CD99L2: variants seen among roughly 807,000 people sequenced by gnomAD.
CD99L2 encodes the protein CD99 molecule like 2.
CD99L2 carries 24 observed loss-of-function variants against 27.3 expected under a neutral mutation model. The observed-to-expected ratio is 0.88, with a 90% confidence interval of 0.64 to 1.24. CD99L2 has a LOEUF of 1.24. Ranked by LOEUF, CD99L2 falls within the 50% of genes most tolerant of loss-of-function variation. The pLI, the probability that CD99L2 is intolerant of heterozygous loss-of-function variation, is 0.00. For missense variants in CD99L2, 255 were observed against 221.6 expected (o/e 1.15, Z -0.96); for synonymous variants, 97 against 87.9 (o/e 1.10, Z -0.58).
At chrX:150,869,023 A>ACCTTTCCTGG (rs2047114579) in intron 1 of CD99L2, among the ~76,000 whole-genome samples, 2 of 112,450 alleles carry the variant, frequency 1.8e-5, no homozygotes, top group Non-Finnish European at 3.8e-5. Flanking sequence ...AAGGCAAGTG[A>ACCTTTCCTGG]ATGAGACTTT....
chrX:150,773,374 G>A (rs1208355057), intron 9 of CD99L2, among the ~76,000 whole-genome samples: 4 of 113,133 alleles, frequency 3.5e-5, no homozygotes, highest in Non-Finnish European at 7.5e-5. Flanking sequence ...GCAAGCGCAC[G>A]ATGCCCGGGA....
At chrX:150,863,744 T>C (rs2047015802) in intron 1 of CD99L2, among the ~76,000 whole-genome samples, 1 of 112,349 alleles carries the variant, frequency 8.9e-6, no homozygotes, top group Non-Finnish European at 1.9e-5. Context: ...TTTGCAGATA[T>C]AGTCAAGTTA....
chrX:150,861,962 A>G (rs1166319111), intron 1 of CD99L2, among the ~76,000 whole-genome samples: 3 of 110,305 alleles, frequency 2.7e-5, no homozygotes, highest in East Asian at 2.8e-4. Context: ...CTACGCAAAT[A>G]AACTAGAAAA....
chrX:150,835,483 T>C (rs1189148907), intron 1 of CD99L2, among the ~76,000 whole-genome samples: 1 of 111,847 alleles, frequency 8.9e-6, no homozygotes, highest in African/African-American at 3.3e-5. Flanking sequence ...TGAGTGTGTA[T>C]TGCTCTCTAG....
intron 8 of CD99L2, 53 bp from the exon 9 acceptor site, chrX:150,776,346 C>T (rs1000790321): frequency 5.5e-5 from 62 of 1,135,847 alleles, no homozygotes; most frequent in Middle Eastern, 6.1e-4. Context: ...GACAAAGCAC[C>T]GCAGGGAGCA....
At chrX:150,832,529 T>C (rs962712541) in intron 1 of CD99L2, among the ~76,000 whole-genome samples, 2 of 111,361 alleles carry the variant, frequency 1.8e-5, no homozygotes, top group African/African-American at 6.5e-5. Context: ...TCTCAATAGA[T>C]GCAGAAAAAA....
intron 2 of CD99L2, among the ~76,000 whole-genome samples, chrX:150,826,432 C>A (rs2124222468): frequency 9.0e-6 from 1 of 111,202 alleles, no homozygotes; most frequent in African/African-American, 3.3e-5. Flanking sequence ...GTGGAGGACT[C>A]TGAAAGCAAC....
intron 1 of CD99L2, among the ~76,000 whole-genome samples, chrX:150,838,918 T>TGGG (rs1211157850): frequency 3.1e-5 from 1 of 31,936 alleles, no homozygotes; most frequent in Non-Finnish European, 5.7e-5. Context: ...AAAAAAAAAA[T>TGGG]GGGGGGGGGG....
In CD99L2 at chrX:150,879,750, TAAAAAAAAAAAAA is replaced by T. The variant is rs60706288; in HGVS notation, c.67+18759_67+18771del. The stretch of plus-strand genomic sequence containing the variant: ...GGCGAAACCCTGTCTCTACAAAAAC[TAAAAAAAAAAAAA>T]AAAAAAAAAAAAAAAGCTCGGCATG... On this transcript the variant is annotated intron_variant, in intron 1 of 10. Coordinates refer to ENST00000370377, the MANE Select transcript of CD99L2 (RefSeq NM_031462.4). Among the ~76,000 whole-genome samples the T allele has an allele frequency of 1.0e-4, 2 of 19,388 alleles. 1 individual carries two copies. The highest frequency in any genetic ancestry group is 6.8e-3 in the South Asian group (2 of 293). The allele number at this position is 19,388 out of a possible 115,157, so 16.8% of individuals were successfully genotyped here.
At chrX:150,802,880 C>CA in intron 4 of CD99L2, among the ~76,000 whole-genome samples, 1 of 20,817 alleles carries the variant, frequency 4.8e-5, no homozygotes, top group East Asian at 1.7e-3. Flanking sequence ...CGTGCCCAGC[C>CA]TTTTTTTTTT....
At chrX:150,875,035 T>C (rs2047209172) in intron 1 of CD99L2, among the ~76,000 whole-genome samples, 1 of 111,948 alleles carries the variant, frequency 8.9e-6, no homozygotes, top group African/African-American at 3.2e-5. Context: ...ACTTCAGTGT[T>C]TACTGCCACC....
chrX:150,834,642 G>A (rs782226637), intron 1 of CD99L2, among the ~76,000 whole-genome samples: 2 of 112,461 alleles, frequency 1.8e-5, no homozygotes, highest in Admixed American at 1.9e-4. Flanking sequence ...ATGTAAATTA[G>A]TATAGCCATT....
intron 4 of CD99L2, among the ~76,000 whole-genome samples, chrX:150,806,419 C>A (rs2045994535): frequency 9.0e-6 from 1 of 111,584 alleles, no homozygotes; most frequent in African/African-American, 3.3e-5. Context: ...CTACGCCCAG[C>A]TAATTTTTTC....
At chrX:150,890,725 G>C (rs1331089860) in intron 1 of CD99L2, among the ~76,000 whole-genome samples, 2 of 111,023 alleles carry the variant, frequency 1.8e-5, no homozygotes, top group Non-Finnish European at 3.8e-5. Context: ...CTCGTCCTCA[G>C]CGAAGGGGCA....
Position 150,768,912 on chromosome X carries a change from C to G in CD99L2, c.*122G>C. 1 of 1,064,396 alleles carries G rather than the reference C, an allele frequency of 9.4e-7. No individual in the cohort carries two copies. Among genetic ancestry groups the G allele is most frequent in the African/African-American group, 1.9e-5 (1 of 51,326 alleles). 87.7% of individuals were successfully genotyped at this position (1,064,396 alleles called of 1,213,427 possible). A position where few individuals can be genotyped will look rare whatever the true frequency, so the allele number is the denominator to read the frequency against. On this transcript the variant is annotated 3_prime_UTR_variant, in exon 11 of 11. Transcript: ENST00000370377. The stretch of plus-strand genomic sequence containing the variant: ...ACACCCAGAGCTCATCCGGGAAACT[C>G]AGACCAACAAGGAGCCGATGGCACA...
At chrX:150,815,048 G>A (rs2046132311) in intron 3 of CD99L2, 112 bp from the exon 4 acceptor site, 2 of 697,219 alleles carry the variant, frequency 2.9e-6, no homozygotes, top group Admixed American at 2.7e-5. Flanking sequence ...CCAACAATGG[G>A]TTAAGACAAA....
chrX:150,888,135 C>G (rs782291782), intron 1 of CD99L2, among the ~76,000 whole-genome samples: 51 of 112,048 alleles, frequency 4.6e-4, no homozygotes, highest in African/African-American at 1.5e-3. Flanking sequence ...ATGAAAGTCA[C>G]GCTGGTAACT....
intron 2 of CD99L2, among the ~76,000 whole-genome samples, chrX:150,824,305 G>GA (rs1557420794): frequency 5.0e-5 from 3 of 60,415 alleles, no homozygotes; most frequent in African/African-American, 1.4e-4. Flanking sequence ...AGAAGAAGAA[G>GA]AGGAGGAGGA....
chrX:150,772,565 C>T (rs188843973), intron 9 of CD99L2, among the ~76,000 whole-genome samples: 349 of 112,943 alleles, frequency 3.1e-3, no homozygotes, highest in Middle Eastern at 0.014. Flanking sequence ...CAGCCAGGAC[C>T]TTGAGGGCAG....
Sources: gnomAD v4.1 joint callset for allele counts (sites outside exome capture counted in the v4.1 genomes callset) on GRCh38, gnomAD v4.1.1 for gene constraint, MANE v1.5 for transcripts, NCBI Gene and HGNC (gene_info 2026-07-23, HGNC 2026-07-21) for gene names.